The following SLC30A5 variants were observed in gnomAD, a reference collection of about 807,000 sequenced individuals.
SLC30A5 encodes solute carrier family 30 member 5.
Under a neutral mutation model 79.6 loss-of-function variants are expected in SLC30A5, and 33 were observed. The ratio of observed to expected loss-of-function variants is 0.41; its 90% CI spans 0.31 to 0.55. The LOEUF is 0.55. Ranked by LOEUF, SLC30A5 falls within the 20% of genes least tolerant of loss-of-function variation. The probability of loss-of-function intolerance (pLI) is 0.20; values close to 1 mark genes in which losing one functional copy is unlikely to be tolerated. For missense variants in SLC30A5, 788 were observed against 928.1 expected (o/e 0.85, Z 1.96); for synonymous variants, 299 against 319.7 (o/e 0.94, Z 0.69).
intron 3 of SLC30A5, chr5:69,104,201 G>A (rs1049253431): frequency 5.7e-5 from 52 of 908,436 alleles, no homozygotes; most frequent in Middle Eastern, 3.8e-4. Flanking sequence ...GCAGTGACAC[G>A]ATCTTGTCTC....
At chr5:69,104,740 A>C in intron 4 of SLC30A5, 24 bp downstream of exon 4, 2 of 1,595,420 alleles carry the variant, frequency 1.3e-6, no homozygotes, top group Non-Finnish European at 1.7e-6. Flanking sequence ...CATATTTTGA[A>C]TGTGTGTTTG....
intron 4 of SLC30A5, among the ~76,000 whole-genome samples, 180 bp from the exon 5 acceptor site, chr5:69,108,169 C>T (rs1169675781): frequency 1.3e-5 from 2 of 152,202 alleles, no homozygotes; most frequent in Non-Finnish European, 2.9e-5. Flanking sequence ...GTATTTGTAG[C>T]TTCAATCTTT....
At chr5:69,102,217 A>G (rs1745948065) in intron 2 of SLC30A5, among the ~76,000 whole-genome samples, 1 of 150,862 alleles carries the variant, frequency 6.6e-6, no homozygotes, top group Non-Finnish European at 1.5e-5. Context: ...TGGCCAGCTA[A>G]TTTTTGTATT....
At chr5:69,096,138 T>C (rs1745724113) in intron 1 of SLC30A5, among the ~76,000 whole-genome samples, 1 of 152,194 alleles carries the variant, frequency 6.6e-6, no homozygotes, top group African/African-American at 2.4e-5. Flanking sequence ...AATGTCCACG[T>C]TCTTGGGAAA....
chr5:69,103,253 T>A, intron 3 of SLC30A5, 125 bp downstream of exon 3: 1 of 586,886 alleles, frequency 1.7e-6, no homozygotes, highest in Non-Finnish European at 3.1e-6. Context: ...AATTTTAGAG[T>A]TAACTTGCTC....
At chr5:69,125,870 C>CAAAAAAAAAAAAAAAAAAAAAAAAAAAAA (rs532994254) in intron 14 of SLC30A5, among the ~76,000 whole-genome samples, 13 of 54,198 alleles carry the variant, frequency 2.4e-4, no homozygotes, top group Admixed American at 7.3e-4. Flanking sequence ...GACTCCGTCT[C>CAAAAAAAAAAAAAAAAAAAAAAAAAAAAA]AAAAAAAAAA....
rs1746449168 is a variant in SLC30A5, at chr5:69,118,568, G to A, written c.1509G>A (p.Val503=). The change falls in exon 12 of 16, where the codon GTG becomes GTA. Residue 503 remains valine, a synonymous_variant. Transcript: ENST00000396591. ...GLFLIVIAFF[V]FMESVARLID... Reference sequence around the variant, plus strand: ...TTCTAATAGTAATAGCGTTTTTTGTGTTTATGGAGTCAGTGGCTAGATTGA... The same window carrying A: ...TTCTAATAGTAATAGCGTTTTTTGTATTTATGGAGTCAGTGGCTAGATTGA... The A allele has an allele frequency of 1.2e-6, 2 of 1,603,324 alleles. No individual in the cohort carries two copies. The highest frequency in any genetic ancestry group is 8.5e-7 in the Non-Finnish European group (1 of 1,175,370).
At chr5:69,120,057 A>G (rs2111987561) in intron 12 of SLC30A5, among the ~76,000 whole-genome samples, 1 of 150,800 alleles carries the variant, frequency 6.6e-6, no homozygotes, top group African/African-American at 2.4e-5. Context: ...GATTCATTGT[A>G]CCCTTATTTA....
intron 6 of SLC30A5, among the ~76,000 whole-genome samples, chr5:69,113,851 C>T (rs1223458452): frequency 6.6e-6 from 1 of 152,146 alleles, no homozygotes; most frequent in African/African-American, 2.4e-5. Context: ...TATTAGTAAA[C>T]TAATAATAAT....
chr5:69,102,936 T>A (rs937958740), intron 2 of SLC30A5, 126 bp from the exon 3 acceptor site: 8 of 459,566 alleles, frequency 1.7e-5, no homozygotes, highest in Non-Finnish European at 3.1e-5. Flanking sequence ...TTCTCCAGTA[T>A]GATTTATTCA....
rs1341653209 is a variant in SLC30A5 at position 69,121,814 on chromosome 5, C to G, written c.1690C>G (p.His564Asp). ...TCACTCATCTGATCACAGCCATTCA[C>G]ACCATATGCATGGACACAGTGACCA... Reference protein sequence around the residue: ...SCHSSDHSHSHHMHGHSDHGH... With the variant: ...SCHSSDHSHSDHMHGHSDHGH... The change falls in exon 13 of 16, where the codon CAC becomes GAC. Residue 564 changes from histidine to aspartate, a missense_variant. Transcript: ENST00000396591. 6.2e-7 allele frequency: 1 copy of G among 1,613,200 alleles called. No homozygotes were observed. The highest frequency in any genetic ancestry group is 8.5e-7 in the Non-Finnish European group (1 of 1,179,476).
chr5:69,095,820 G>A (rs1232459461), intron 1 of SLC30A5, among the ~76,000 whole-genome samples: 17 of 151,978 alleles, frequency 1.1e-4, no homozygotes, highest in Non-Finnish European at 2.2e-4. Flanking sequence ...AACACTTTGG[G>A]AGGCCAAGGC....
chr5:69,129,303 A>G, intron 15 of SLC30A5, 144 bp from the exon 16 acceptor site: 1 of 561,076 alleles, frequency 1.8e-6, no homozygotes. Flanking sequence ...TGGCACTCAA[A>G]AAGTTTCAGA....
chr5:69,100,362 G>C (rs190516477), intron 1 of SLC30A5, among the ~76,000 whole-genome samples: 2 of 152,204 alleles, frequency 1.3e-5, no homozygotes, highest in African/African-American at 4.8e-5. Context: ...TTAGCCTCCC[G>C]AGTGGCTGAG....
rs1474975886 is a variant in SLC30A5, at chr5:69,110,603, T to C, written c.447+2167T>C. On this transcript the variant is annotated intron_variant, in intron 5 of 15. Coordinates refer to ENST00000396591, the MANE Select transcript of SLC30A5 (RefSeq NM_022902.5). The stretch of plus-strand genomic sequence containing the variant: ...TACAAAATAGACATTTGTAAAAACA[T>C]AGAATAAAATACGTAGATGGAGAAA... Among the ~76,000 whole-genome samples the C allele has an allele frequency of 3.9e-5, 6 of 152,130 alleles. No homozygotes were observed. The East Asian group carries it at 7.7e-4, about 20-fold the overall frequency.
intron 12 of SLC30A5, among the ~76,000 whole-genome samples, chr5:69,119,372 T>C (rs1178345493): frequency 6.6e-6 from 1 of 152,160 alleles, no homozygotes; most frequent in East Asian, 1.9e-4. Context: ...CTCCACAAAG[T>C]TTGTTAGATT....
At chr5:69,112,947 C>G (rs554161149) in intron 5 of SLC30A5, among the ~76,000 whole-genome samples, 193 bp from the exon 6 acceptor site, 7 of 152,246 alleles carry the variant, frequency 4.6e-5, no homozygotes, top group African/African-American at 1.7e-4. Flanking sequence ...GTTTATATCT[C>G]TTTGATATCT....
At chr5:69,100,253 C>T (rs967954983) in intron 1 of SLC30A5, among the ~76,000 whole-genome samples, 2 of 152,214 alleles carry the variant, frequency 1.3e-5, no homozygotes, top group Admixed American at 6.5e-5. Flanking sequence ...CAGGCATGAG[C>T]GCCCAGCCTG....
chr5:69,105,118 G>T (rs1015574245), intron 4 of SLC30A5, among the ~76,000 whole-genome samples: 19 of 152,148 alleles, frequency 1.2e-4, no homozygotes, highest in Admixed American at 2.0e-4. Context: ...GCACAATTTT[G>T]CAAATACTCT....
Sources: gnomAD v4.1 joint callset for allele counts (sites outside exome capture counted in the v4.1 genomes callset) on GRCh38, gnomAD v4.1.1 for gene constraint, MANE v1.5 for transcripts, NCBI Gene and HGNC (gene_info 2026-07-23, HGNC 2026-07-21) for gene names.